SPATA6: variants seen among roughly 807,000 people sequenced by gnomAD.
SPATA6 encodes spermatogenesis-associated protein 6.
A neutral mutation model predicts 65.3 loss-of-function variants in SPATA6; 56 were observed. The ratio of observed to expected loss-of-function variants is 0.86; its 90% confidence interval spans 0.69 to 1.07. SPATA6 has a LOEUF of 1.07. Among genes scored for constraint, SPATA6 ranks in the 50% least tolerant of loss-of-function variants. The pLI is 0.00. For missense variants in SPATA6, 590 were observed against 594.8 expected, an observed-to-expected ratio of 0.99 and a Z score of 0.08; for synonymous variants, 199 against 213.2, an observed-to-expected ratio of 0.93 and a Z score of 0.58.
chr1:48,467,398 C>T (rs1225767346), intron 1 of SPATA6, among the ~76,000 whole-genome samples: 1 of 152,062 alleles, frequency 6.6e-6, no homozygotes, highest in East Asian at 1.9e-4. Flanking sequence ...TGGGAAAAAA[C>T]TGAATGTCAC....
intron 3 of SPATA6, among the ~76,000 whole-genome samples, chr1:48,423,443 C>T (rs1481034403): frequency 1.4e-5 from 2 of 142,336 alleles, no homozygotes; most frequent in Non-Finnish European, 3.0e-5. Flanking sequence ...GCAACAAAAG[C>T]GAAACTCCAT....
intron 11 of SPATA6, among the ~76,000 whole-genome samples, chr1:48,331,296 A>G (rs571801508): frequency 3.3e-5 from 5 of 152,258 alleles, no homozygotes; most frequent in African/African-American, 1.2e-4. Context: ...GATTCAGGAG[A>G]CTGCTGAAAC....
At chr1:48,323,578 G>A (rs187112548) in intron 11 of SPATA6, among the ~76,000 whole-genome samples, 82 of 142,610 alleles carry the variant, frequency 5.7e-4, no homozygotes, top group African/African-American at 1.5e-3. Flanking sequence ...AAAAAAGAAA[G>A]GATAAACAAA....
chr1:48,403,084 A>C (rs1250032286), intron 6 of SPATA6, among the ~76,000 whole-genome samples: 1 of 152,046 alleles, frequency 6.6e-6, no homozygotes, highest in Non-Finnish European at 1.5e-5. Flanking sequence ...ACTGATGCAG[A>C]AGGATTGCTT....
At chr1:48,263,126 G>A in the SPATA6 span, 1 of 151,842 alleles carries the variant, frequency 6.6e-6, no homozygotes, top group Non-Finnish European at 1.5e-5. Context: ...CAGGGCCAAT[G>A]GATATACTTT....
intron 12 of SPATA6, among the ~76,000 whole-genome samples, chr1:48,303,515 T>A (rs1354028297): frequency 6.6e-6 from 1 of 152,212 alleles, no homozygotes; most frequent in Non-Finnish European, 1.5e-5. Context: ...GATGAGAACA[T>A]GCAACATTTG....
chr1:48,450,282 G>C (rs1315896736), intron 3 of SPATA6, among the ~76,000 whole-genome samples: 1 of 147,604 alleles, frequency 6.8e-6, no homozygotes, highest in African/African-American at 2.5e-5. Flanking sequence ...GGCAGAGAAA[G>C]ATGAATTTAA....
intron 3 of SPATA6, among the ~76,000 whole-genome samples, chr1:48,428,851 G>GTGTATATATA: frequency 7.8e-6 from 1 of 128,724 alleles, no homozygotes; most frequent in African/African-American, 2.7e-5. Flanking sequence ...GTATATATAT[G>GTGTATATATA]TGTGTATATA....
At chr1:48,283,697 A>AAAAAAAGAAAGAAAGAAAG in the SPATA6 span, among the ~76,000 whole-genome samples, 8 of 12,010 alleles carry the variant, frequency 6.7e-4, no homozygotes, top group Non-Finnish European at 1.4e-3. Context: ...AAAAAAAAAA[A>AAAAAAAGAAAGAAAGAAAG]AAAGAAAGAA....
At chr1:48,457,682 T>G (rs72897225) in intron 1 of SPATA6, among the ~76,000 whole-genome samples, 5,144 of 152,174 alleles carry the variant, frequency 0.034, 213 homozygotes, top group African/African-American at 0.098. Flanking sequence ...TAAAACTAAG[T>G]GATTCCCAAA....
chr1:48,368,642 C>T (rs545000488), intron 9 of SPATA6, among the ~76,000 whole-genome samples: 1 of 152,344 alleles, frequency 6.6e-6, no homozygotes, highest in South Asian at 2.1e-4. Context: ...GCTTTCAGCT[C>T]CATTAGCTCC....
chr1:48,435,442 G>A (rs762793195), intron 3 of SPATA6, among the ~76,000 whole-genome samples: 10 of 151,320 alleles, frequency 6.6e-5, no homozygotes, highest in Non-Finnish European at 1.2e-4. Context: ...GCACCAATCA[G>A]CACTCTGTGT....
chr1:48,407,948 C>T (rs749338516), intron 5 of SPATA6, among the ~76,000 whole-genome samples: 2 of 152,012 alleles, frequency 1.3e-5, no homozygotes, highest in Admixed American at 6.5e-5. Context: ...TTAAAGAGAC[C>T]ATAATTTTAA....
the SPATA6 span, among the ~76,000 whole-genome samples, chr1:48,261,445 T>C: frequency 6.6e-6 from 1 of 151,860 alleles, no homozygotes; most frequent in Non-Finnish European, 1.5e-5. Flanking sequence ...ACGAAGAATG[T>C]AAAACCTATT....
At position 48,401,722 on chromosome 1, in the gene SPATA6, A is replaced by G. The variant is rs146032943; in HGVS notation, c.487-2078T>C. Among the ~76,000 whole-genome samples the G allele has an allele frequency of 2.3e-3, 350 of 152,242 alleles. 9 individuals are homozygous for G. The highest frequency in any genetic ancestry group is 0.011 in the East Asian group (56 of 5,170). Reference sequence around the variant, plus strand: ...GGCAAAACATCTGCCACTGTTCAACATGTGAGTAAAGCCATCCTAAACCAT... The same window carrying G: ...GGCAAAACATCTGCCACTGTTCAACGTGTGAGTAAAGCCATCCTAAACCAT... On this transcript the variant is annotated intron_variant, in intron 6 of 12. Transcript: ENST00000371847.
chr1:48,269,175 C>T, the SPATA6 span, among the ~76,000 whole-genome samples: 7 of 152,070 alleles, frequency 4.6e-5, no homozygotes, highest in Non-Finnish European at 7.4e-5. Context: ...TTTTTCTATA[C>T]GTATTCAAAT....
intron 11 of SPATA6, among the ~76,000 whole-genome samples, chr1:48,316,465 A>G (rs1645423935): frequency 6.6e-6 from 1 of 152,228 alleles, no homozygotes; most frequent in Non-Finnish European, 1.5e-5. Flanking sequence ...AGTGCTGGGA[A>G]AACTGGCTAG....
In SPATA6 at chr1:48,368,187, C is replaced by T. The variant is rs183264161; in HGVS notation, c.910-8417G>A. The stretch of plus-strand genomic sequence containing the variant: ...TCAGCTGTTAGTCTGATGGGCTTCC[C>T]TCTGTGGGTAACCCGACCTTTCTCT... On this transcript the variant is annotated intron_variant, in intron 9 of 12. Transcript: ENST00000371847. Among the ~76,000 whole-genome samples the T allele has an allele frequency of 4.6e-3, 700 of 152,302 alleles. 4 individuals are homozygous for T. Among genetic ancestry groups the T allele is most frequent in the African/African-American group, 0.015 (626 of 41,554 alleles).
chr1:48,469,236 T>A lies in SPATA6; in HGVS notation c.51+2722A>T, dbSNP rs535387687. The stretch of plus-strand genomic sequence containing the variant: ...AGCAAAAAAATAAAAAATTTATACA[T>A]AAACATACACATACATATAGACAAA... On this transcript the variant is annotated intron_variant, in intron 1 of 12. Coordinates refer to ENST00000371847, the MANE Select transcript of SPATA6 (RefSeq NM_019073.4). Among the ~76,000 whole-genome samples, 30 of 152,310 alleles carry A rather than the reference T, an allele frequency of 2.0e-4. No homozygotes were observed. In the South Asian group the frequency reaches 5.6e-3, roughly 28 times the overall value.
Sources: allele counts gnomAD v4.1 joint callset (sites outside exome capture counted in the v4.1 genomes callset), GRCh38; gene constraint gnomAD v4.1.1; transcripts MANE v1.5; gene names NCBI Gene and HGNC (gene_info 2026-07-23, HGNC 2026-07-21).